FGD4: variants seen among roughly 807,000 people sequenced by gnomAD.
FGD4 encodes FYVE, RhoGEF and PH domain-containing protein 4.
In FGD4, 42 loss-of-function variants were observed where a neutral mutation model predicts 102.0. The ratio of observed to expected loss-of-function variants is 0.41; its 90% CI spans 0.32 to 0.53. The LOEUF (loss-of-function observed/expected upper bound fraction) is 0.53, where lower values mean the gene tolerates loss of function less well. FGD4 is among the 20% of genes least tolerant of loss of function. FGD4 has a pLI of 0.21. For missense variants in FGD4, 902 were observed against 1,078.2 expected (o/e 0.84, Z 2.29); for synonymous variants, 380 against 375.7 (o/e 1.01, Z -0.13).
intron 1 of FGD4, among the ~76,000 whole-genome samples, chr12:32,402,481 G>T (rs529137979): frequency 6.6e-6 from 1 of 151,930 alleles, no homozygotes; most frequent in Non-Finnish European, 1.5e-5. Flanking sequence ...CCCAGGATAA[G>T]GCTAGAGTGC....
chr12:32,443,365 T>C (rs1247708576), intron 1 of FGD4, among the ~76,000 whole-genome samples: 1 of 151,954 alleles, frequency 6.6e-6, no homozygotes, highest in African/African-American at 2.4e-5. Context: ...TATTGTTGTT[T>C]TTAGAGATGG....
At chr12:32,433,509 T>C (rs2136440385) in intron 1 of FGD4, among the ~76,000 whole-genome samples, 1 of 151,822 alleles carries the variant, frequency 6.6e-6, no homozygotes, top group Admixed American at 6.6e-5. Flanking sequence ...CCATCATTTT[T>C]GTATTTTTGT....
rs959203100 is a variant in FGD4 at position 32,524,395 on chromosome 12, CAA to C, written c.167-39722_167-39721del. Reference sequence around the variant, plus strand: ...TGGGCGACAGAGGGAGACTCTGTCTCAAAAAAAAAAAAAAAAAAAAAGATAAA... The same window carrying C: ...TGGGCGACAGAGGGAGACTCTGTCTCAAAAAAAAAAAAAAAAAAAGATAAA... On this transcript the variant is annotated intron_variant, in intron 1 of 16. Coordinates refer to ENST00000534526, the MANE Select transcript of FGD4 (RefSeq NM_001370298.3). 4.0e-3 allele frequency among the ~76,000 whole-genome samples: 280 copies of C among 69,286 alleles called. 1 individual carries two copies. The highest frequency in any genetic ancestry group is 5.5e-3 in the African/African-American group (94 of 17,200). The allele number at this position is 69,286 out of a possible 152,430, so 45.5% of individuals were successfully genotyped here. A position where few individuals can be genotyped will look rare whatever the true frequency, so the allele number is the denominator to read the frequency against.
At chr12:32,435,580 A>T (rs1942203985) in intron 1 of FGD4, among the ~76,000 whole-genome samples, 1 of 150,998 alleles carries the variant, frequency 6.6e-6, no homozygotes, top group Non-Finnish European at 1.5e-5. Flanking sequence ...AACTTATTTT[A>T]TTGATACTCA....
At chr12:32,624,882 G>A in intron 12 of FGD4, 94 bp from the exon 13 acceptor site, 1 of 1,092,002 alleles carries the variant, frequency 9.2e-7, no homozygotes, top group Admixed American at 1.7e-5. Flanking sequence ...AATTTTCAAA[G>A]TGATTCCTAT....
chr12:32,555,462 A>G (rs1243019318), intron 1 of FGD4, among the ~76,000 whole-genome samples: 2 of 151,940 alleles, frequency 1.3e-5, no homozygotes, highest in Non-Finnish European at 2.9e-5. Context: ...ATTTAAGTGT[A>G]GGATAATCTC....
chr12:32,441,571 A>T (rs1288255076), intron 1 of FGD4, among the ~76,000 whole-genome samples: 6 of 151,622 alleles, frequency 4.0e-5, no homozygotes, highest in African/African-American at 7.3e-5. Context: ...TTCCTCCTCA[A>T]GCAGAAGAAA....
chr12:32,595,037 A>T lies in FGD4; in HGVS notation c.1012-3460A>T, dbSNP rs1348639406. The stretch of plus-strand genomic sequence containing the variant: ...CAGAGCGAGACTCCGTCTAAAAAAA[A>T]AAAAAAAAACAACACAGCAAAATAA... On this transcript the variant is annotated intron_variant, in intron 4 of 16. Coordinates refer to ENST00000534526, the MANE Select transcript of FGD4 (RefSeq NM_001370298.3). 2.4e-4 allele frequency among the ~76,000 whole-genome samples: 36 copies of T among 152,028 alleles called. No individual in the cohort carries two copies. In the East Asian group the frequency reaches 6.9e-3, roughly 29 times the overall value.
chr12:32,504,486 C>T lies in FGD4; in HGVS notation c.167-59651C>T, dbSNP rs553324378. On this transcript the variant is annotated intron_variant, in intron 1 of 16. Coordinates refer to ENST00000534526, the MANE Select transcript of FGD4 (RefSeq NM_001370298.3). ...TAGGATTTAGAATGTACTGAATTCG[C>T]GTGTCCACTATGAAGCAATGCTTTC... Among the ~76,000 whole-genome samples, 88 of 152,258 alleles carry T rather than the reference C, an allele frequency of 5.8e-4. No individual in the cohort carries two copies. The Middle Eastern group carries it at 0.027, about 47-fold the overall frequency.
At chr12:32,550,442 G>A (rs985712599) in intron 1 of FGD4, among the ~76,000 whole-genome samples, 1 of 152,134 alleles carries the variant, frequency 6.6e-6, no homozygotes, top group Admixed American at 6.6e-5. Flanking sequence ...GGGCGAGGCA[G>A]TAGGATCGCT....
intron 4 of FGD4, among the ~76,000 whole-genome samples, chr12:32,596,579 A>T (rs531407784): frequency 1.5e-5 from 2 of 136,520 alleles, no homozygotes; most frequent in South Asian, 4.7e-4. Flanking sequence ...TATGCAATGG[A>T]AAGTTTTTTT....
intron 1 of FGD4, among the ~76,000 whole-genome samples, chr12:32,401,201 T>A (rs571838502): frequency 6.6e-6 from 1 of 152,368 alleles, no homozygotes; most frequent in East Asian, 1.9e-4. Context: ...GTTTTCAAGT[T>A]ATTTAATGTA....
chr12:32,622,481 T>C (rs1049321444), intron 11 of FGD4, among the ~76,000 whole-genome samples: 12 of 152,240 alleles, frequency 7.9e-5, no homozygotes, highest in African/African-American at 2.7e-4. Context: ...TTGTTGGAAA[T>C]ATGGTTATTC....
chr12:32,572,822 G>A (rs577158354), intron 2 of FGD4, among the ~76,000 whole-genome samples: 1 of 152,098 alleles, frequency 6.6e-6, no homozygotes, highest in Non-Finnish European at 1.5e-5. Flanking sequence ...TTGTATATGT[G>A]TTTATGTCAG....
rs777429838 is a variant in FGD4 at position 32,599,494 on chromosome 12, C to CAAA, written c.1101+920_1101+922dup. 7.1e-4 allele frequency among the ~76,000 whole-genome samples: 14 copies of CAAA among 19,702 alleles called. 1 individual carries two copies. Among genetic ancestry groups the CAAA allele is most frequent in the African/African-American group, 1.8e-3 (7 of 3,816 alleles). 12.9% of individuals were successfully genotyped at this position (19,702 alleles called of 152,430 possible). On this transcript the variant is annotated intron_variant, in intron 5 of 16. Transcript: ENST00000534526. ...TGGGTGACAGAGCGAGACTCCGTCT[C>CAAA]AAAAAAAAAAAAAAGAATAACTTTT... is the stretch of plus-strand genomic sequence containing the variant.
chr12:32,617,824 C>T (rs1949538884), intron 10 of FGD4, among the ~76,000 whole-genome samples: 1 of 152,214 alleles, frequency 6.6e-6, no homozygotes, highest in Admixed American at 6.5e-5. Flanking sequence ...TTGGTTTCTT[C>T]CTATATATGA....
intron 1 of FGD4, among the ~76,000 whole-genome samples, chr12:32,440,518 T>TG (rs1215370762): frequency 3.9e-5 from 6 of 152,232 alleles, no homozygotes; most frequent in Non-Finnish European, 7.3e-5. Context: ...TCCCTGTCTC[T>TG]GTTCTGAGCC....
chr12:32,465,854 C>T (rs1053079188), intron 1 of FGD4, among the ~76,000 whole-genome samples: 1 of 152,122 alleles, frequency 6.6e-6, no homozygotes, highest in African/African-American at 2.4e-5. Flanking sequence ...TCACTGGTCA[C>T]TGCAACGTTA....
intron 1 of FGD4, among the ~76,000 whole-genome samples, chr12:32,416,892 T>C (rs149611378): frequency 1.6e-4 from 24 of 152,042 alleles, no homozygotes; most frequent in African/African-American, 4.6e-4. Flanking sequence ...TCCTTTTCTT[T>C]TTCTTTTTCT....
Sources: allele counts gnomAD v4.1 joint callset (sites outside exome capture counted in the v4.1 genomes callset), GRCh38; gene constraint gnomAD v4.1.1; transcripts MANE v1.5; gene names NCBI Gene and HGNC (gene_info 2026-07-23, HGNC 2026-07-21).